CNTN3: variants seen among roughly 807,000 people sequenced by gnomAD.
The protein encoded by CNTN3 is contactin-3.
Under a neutral mutation model 119.1 loss-of-function variants are expected in CNTN3, and 60 were observed. That is an observed-to-expected ratio of 0.50 (90% CI 0.41 to 0.62). The LOEUF (loss-of-function observed/expected upper bound fraction) is 0.62, where lower values mean the gene tolerates loss of function less well. Ranked by LOEUF, CNTN3 falls within the 20% of genes least tolerant of loss-of-function variation. The probability of loss-of-function intolerance (pLI) is 0.00; values close to 1 mark genes in which losing one functional copy is unlikely to be tolerated. For synonymous variants in CNTN3, 450 were observed against 438.7 expected (o/e 1.03, Z -0.32); for missense variants, 1,101 against 1,242.4 (o/e 0.89, Z 1.71).
At chr3:74,372,609 G>T (rs1426688525) in intron 5 of CNTN3, among the ~76,000 whole-genome samples, 1 of 151,302 alleles carries the variant, frequency 6.6e-6, no homozygotes. Flanking sequence ...AAAAACTTTT[G>T]GAAAACATGG....
At chr3:74,565,024 G>T (rs1704206131) in intron 1 of CNTN3, among the ~76,000 whole-genome samples, 1 of 151,934 alleles carries the variant, frequency 6.6e-6, no homozygotes, top group Non-Finnish European at 1.5e-5. Context: ...CCTCTGCAAG[G>T]GCAAATCTAC....
chr3:74,285,790 GATATATATATATATATATATAT>G (rs71129738), intron 19 of CNTN3, among the ~76,000 whole-genome samples: 2,792 of 56,564 alleles, frequency 0.049, 131 homozygotes, highest in Middle Eastern at 0.16. Context: ...ATGAAGGGGA[GATATATATATATATATATATAT>G]ATATATATAT....
chr3:74,330,280 T>C (rs939897676), intron 13 of CNTN3, among the ~76,000 whole-genome samples: 2 of 151,210 alleles, frequency 1.3e-5, no homozygotes, highest in Non-Finnish European at 2.9e-5. Flanking sequence ...CATTTGAACC[T>C]GGGAGGCAGA....
chr3:74,544,905 C>T (rs1306150019), intron 1 of CNTN3, among the ~76,000 whole-genome samples: 1 of 152,084 alleles, frequency 6.6e-6, no homozygotes, highest in Non-Finnish European at 1.5e-5. Flanking sequence ...GCCGATGAAT[C>T]TCTTGCACAA....
intron 1 of CNTN3, among the ~76,000 whole-genome samples, chr3:74,559,402 G>T (rs2107171919): frequency 6.6e-6 from 1 of 152,190 alleles, no homozygotes; most frequent in Middle Eastern, 3.4e-3. Context: ...CTCCTTTGGG[G>T]CCTCATTAGT....
intron 1 of CNTN3, among the ~76,000 whole-genome samples, chr3:74,579,175 T>C (rs904429959): frequency 6.6e-6 from 1 of 151,452 alleles, no homozygotes; most frequent in Admixed American, 6.6e-5. Flanking sequence ...TCCATAATGA[T>C]AAAAAAAATC....
At chr3:74,483,675 T>C (rs2107034196) in intron 4 of CNTN3, among the ~76,000 whole-genome samples, 1 of 152,198 alleles carries the variant, frequency 6.6e-6, no homozygotes, top group East Asian at 1.9e-4. Context: ...GACTTGGAGT[T>C]AAGGGGAACT....
chr3:74,363,942 A>G (rs1704131943), intron 10 of CNTN3, among the ~76,000 whole-genome samples: 1 of 152,074 alleles, frequency 6.6e-6, no homozygotes, highest in Non-Finnish European at 1.5e-5. Flanking sequence ...TTTAAACATG[A>G]TAGAACATCT....
At chr3:74,351,517 C>T (rs1703814578) in intron 11 of CNTN3, among the ~76,000 whole-genome samples, 2 of 152,316 alleles carry the variant, frequency 1.3e-5, no homozygotes, top group South Asian at 4.1e-4. Context: ...TGACCCACAT[C>T]TTTCTGATTT....
At chr3:74,334,587 G>C (rs1434298916) in intron 13 of CNTN3, 148 bp downstream of exon 13, 8 of 593,742 alleles carry the variant, frequency 1.3e-5, no homozygotes, top group African/African-American at 3.7e-5. Context: ...AATAAAATTA[G>C]ATCAAAACAG....
chr3:74,565,268 G>C, intron 1 of CNTN3, among the ~76,000 whole-genome samples: 1 of 152,104 alleles, frequency 6.6e-6, no homozygotes, highest in East Asian at 1.9e-4. Flanking sequence ...AGGCTCTAAG[G>C]GAAAATCTGT....
intron 5 of CNTN3, among the ~76,000 whole-genome samples, chr3:74,395,770 T>C (rs371093815): frequency 1.3e-5 from 2 of 152,154 alleles, no homozygotes; most frequent in African/African-American, 4.8e-5. Context: ...GTGTGTGTGT[T>C]TTTTTAAATT....
intron 4 of CNTN3, among the ~76,000 whole-genome samples, chr3:74,478,809 G>T (rs1468398729): frequency 6.6e-6 from 1 of 152,028 alleles, no homozygotes; most frequent in Non-Finnish European, 1.5e-5. Context: ...AAACTAAAAT[G>T]AAACAACCTG....
chr3:74,376,572 C>A (rs1200736945), intron 5 of CNTN3, among the ~76,000 whole-genome samples: 1 of 152,138 alleles, frequency 6.6e-6, no homozygotes. Flanking sequence ...GCTCAGGGCT[C>A]CCAGTGATTC....
At chr3:74,340,333 G>T (rs1398612126) in intron 11 of CNTN3, among the ~76,000 whole-genome samples, 1 of 152,110 alleles carries the variant, frequency 6.6e-6, no homozygotes, top group Admixed American at 6.6e-5. Context: ...CCTTTCCCAG[G>T]ATAAGAGAAC....
In CNTN3 at chr3:74,265,052, T is replaced by C. The variant is rs114639030; in HGVS notation, c.2987-551A>G. On this transcript the variant is annotated intron_variant, in intron 22 of 22. Coordinates refer to ENST00000263665, the MANE Select transcript of CNTN3 (RefSeq NM_020872.3). The stretch of plus-strand genomic sequence containing the variant: ...AATTATACTTGATTACAAACAACTT[T>C]GAGATAATTCAATGGTTTAATTAAG... 6.1e-3 allele frequency among the ~76,000 whole-genome samples: 922 copies of C among 152,262 alleles called. 9 individuals carry two copies. Among genetic ancestry groups the C allele is most frequent in the African/African-American group, 0.022 (897 of 41,552 alleles).
At chr3:74,294,369 T>C (rs975030366) in intron 19 of CNTN3, among the ~76,000 whole-genome samples, 2 of 152,210 alleles carry the variant, frequency 1.3e-5, no homozygotes, top group Admixed American at 1.3e-4. Context: ...ACCTGTGACC[T>C]GGTCCTCCCA....
chr3:74,461,257 C>A lies in CNTN3; in HGVS notation c.358+25199G>T, dbSNP rs142230802. On this transcript the variant is annotated intron_variant, in intron 4 of 22. Coordinates refer to ENST00000263665, the MANE Select transcript of CNTN3 (RefSeq NM_020872.3). ...TTAATATTTTGTAGAATTTAAGTTG[C>A]TAATATTTTAAAAATCTGTAGCAGT... is the stretch of plus-strand genomic sequence containing the variant. Among the ~76,000 whole-genome samples, 312 of 152,044 alleles carry A rather than the reference C, an allele frequency of 2.1e-3. 1 individual carries two copies. The highest frequency in any genetic ancestry group is 7.1e-3 in the African/African-American group (296 of 41,512).
At chr3:74,553,808 C>T (rs115784613) in intron 1 of CNTN3, among the ~76,000 whole-genome samples, 2,988 of 151,940 alleles carry the variant, frequency 0.02, 46 homozygotes, top group Admixed American at 0.055. Flanking sequence ...TCGTAGATTA[C>T]GGATATTAGC....
Sources: gnomAD v4.1 joint callset for allele counts (sites outside exome capture counted in the v4.1 genomes callset) on GRCh38, gnomAD v4.1.1 for gene constraint, MANE v1.5 for transcripts, NCBI Gene and HGNC (gene_info 2026-07-23, HGNC 2026-07-21) for gene names.